Variants in RAP1B observed in about 807,000 individuals in gnomAD.
The protein encoded by RAP1B is ras-related protein Rap-1b.
A neutral mutation model predicts 27.5 loss-of-function variants in RAP1B; 1 was observed. The observed-to-expected ratio is 0.04, with a 90% CI of 0.01 to 0.17. The LOEUF is 0.17. Ranked by LOEUF, RAP1B falls within the 10% of genes least tolerant of loss-of-function variation. RAP1B has a pLI of 1.00. For synonymous variants in RAP1B, 75 were observed against 73.1 expected (o/e 1.03, Z -0.13); for missense variants, 84 against 214.8 (o/e 0.39, Z 3.81).
At chr12:68,622,824 T>C (rs530011193) in intron 1 of RAP1B, among the ~76,000 whole-genome samples, 1 of 152,316 alleles carries the variant, frequency 6.6e-6, no homozygotes, top group Non-Finnish European at 1.5e-5. Flanking sequence ...TAACGGTTTG[T>C]CCATATCAAT....
At chr12:68,648,955 A>G (rs1873617900) in intron 2 of RAP1B, 174 bp downstream of exon 2, 2 of 587,992 alleles carry the variant, frequency 3.4e-6, no homozygotes, top group African/African-American at 1.9e-5. Flanking sequence ...GGTGGATCAT[A>G]TTCTCTCTGG....
chr12:68,653,516 A>G (rs77020361), intron 4 of RAP1B, among the ~76,000 whole-genome samples: 18,821 of 152,194 alleles, frequency 0.12, 1,526 homozygotes, highest in South Asian at 0.36. Context: ...GGGGTGCTTT[A>G]TACATGATGA....
intron 3 of RAP1B, 111 bp downstream of exon 3, chr12:68,650,579 A>G (rs1012629338): frequency 2.0e-6 from 2 of 1,010,466 alleles, no homozygotes; most frequent in Non-Finnish European, 1.3e-6. Context: ...GTTAATTTAT[A>G]AAATTAGTGG....
At chr12:68,628,508 A>G (rs755456543) in intron 1 of RAP1B, among the ~76,000 whole-genome samples, 1 of 152,218 alleles carries the variant, frequency 6.6e-6, no homozygotes, top group Non-Finnish European at 1.5e-5. Context: ...CCAACAGGAA[A>G]CCTTGTCCAA....
chr12:68,648,380 A>C (rs1478182336), intron 1 of RAP1B, among the ~76,000 whole-genome samples: 1 of 152,260 alleles, frequency 6.6e-6, no homozygotes, highest in Non-Finnish European at 1.5e-5. Context: ...TACAGCACAG[A>C]AGAAACCACA....
At chr12:68,625,103 C>T (rs756397667) in intron 1 of RAP1B, among the ~76,000 whole-genome samples, 1 of 152,200 alleles carries the variant, frequency 6.6e-6, no homozygotes, top group African/African-American at 2.4e-5. Flanking sequence ...TGTAGAATTG[C>T]CATGATAGGC....
At chr12:68,628,418 A>G (rs1024014021) in intron 1 of RAP1B, among the ~76,000 whole-genome samples, 5 of 152,166 alleles carry the variant, frequency 3.3e-5, no homozygotes, top group African/African-American at 1.2e-4. Flanking sequence ...TTCATTCTCT[A>G]GTTTTCCACA....
intron 1 of RAP1B, among the ~76,000 whole-genome samples, chr12:68,623,312 A>G (rs1251800172): frequency 6.6e-6 from 1 of 152,176 alleles, no homozygotes; most frequent in Non-Finnish European, 1.5e-5. Flanking sequence ...AGACAGTAAA[A>G]ATAAGGTAGA....
intron 3 of RAP1B, among the ~76,000 whole-genome samples, chr12:68,651,377 T>C (rs1045936227): frequency 1.1e-4 from 17 of 152,054 alleles, no homozygotes; most frequent in Non-Finnish European, 1.6e-4. Flanking sequence ...ATGTGCATAG[T>C]CTACCAAAAA....
intron 1 of RAP1B, chr12:68,647,926 G>A (rs1318571807): frequency 6.6e-6 from 1 of 152,146 alleles, no homozygotes; most frequent in Non-Finnish European, 1.5e-5. Context: ...TTCTTGATCA[G>A]AAGTTTTAAA....
At chr12:68,627,954 A>T (rs903199283) in intron 1 of RAP1B, among the ~76,000 whole-genome samples, 2 of 152,116 alleles carry the variant, frequency 1.3e-5, no homozygotes, top group African/African-American at 4.8e-5. Context: ...TTTAAAAAAA[A>T]AAATTTAATC....
At chr12:68,641,865 AAATTT>A (rs900241514) in intron 1 of RAP1B, among the ~76,000 whole-genome samples, 1 of 152,012 alleles carries the variant, frequency 6.6e-6, no homozygotes, top group African/African-American at 2.4e-5. Context: ...CTTTCTTTAG[AAATTT>A]AATTGATTTT....
chr12:68,619,728 A>G (rs1041804767), intron 1 of RAP1B, among the ~76,000 whole-genome samples: 2 of 152,162 alleles, frequency 1.3e-5, no homozygotes, highest in African/African-American at 4.8e-5. Context: ...TTTTGTTGGA[A>G]ACAGGAATGG....
chr12:68,671,814 T>C lies in RAP1B; in HGVS notation c.*12565T>C, dbSNP rs531286142. 7.2e-5 allele frequency: 11 copies of C among 152,234 alleles called. No individual in the cohort carries two copies. The highest frequency in any genetic ancestry group is 2.6e-4 in the African/African-American group (11 of 41,544). The allele number at this position is 152,234 out of a possible 1,614,324, so 9.4% of individuals were successfully genotyped here. On this transcript the variant is annotated 3_prime_UTR_variant, in exon 8 of 8. Transcript: ENST00000250559. ...CTGGAATATAAAAAAAAAAGCTATA[T>C]GAATGTCATCATTATATGTAAAATA...
chr12:68,617,510 T>C (rs1183739074), intron 1 of RAP1B, among the ~76,000 whole-genome samples: 1 of 152,212 alleles, frequency 6.6e-6, no homozygotes, highest in African/African-American at 2.4e-5. Context: ...ATTTATAAGA[T>C]TGGCTGAGTT....
intron 1 of RAP1B, among the ~76,000 whole-genome samples, chr12:68,634,462 A>T (rs963397099): frequency 6.6e-6 from 1 of 152,174 alleles, no homozygotes; most frequent in South Asian, 2.1e-4. Flanking sequence ...GATGACAGGG[A>T]AAAAAGGACA....
intron 4 of RAP1B, among the ~76,000 whole-genome samples, chr12:68,652,982 G>A (rs975296891): frequency 2.0e-5 from 3 of 152,148 alleles, no homozygotes; most frequent in African/African-American, 7.2e-5. Context: ...GGTCAAAGGG[G>A]GGTGGATCAC....
chr12:68,654,881 A>G (rs1212667259), intron 5 of RAP1B, among the ~76,000 whole-genome samples: 1 of 152,214 alleles, frequency 6.6e-6, no homozygotes, highest in Non-Finnish European at 1.5e-5. Context: ...TTGCATCAGA[A>G]TCACCTGTAG....
intron 1 of RAP1B, among the ~76,000 whole-genome samples, chr12:68,617,938 A>G (rs1287103742): frequency 6.6e-6 from 1 of 151,390 alleles, no homozygotes; most frequent in Non-Finnish European, 1.5e-5. Context: ...TAATTTTTGT[A>G]TTTTTTGTAG....
Sources: gnomAD v4.1 joint callset for allele counts (sites outside exome capture counted in the v4.1 genomes callset) on GRCh38, gnomAD v4.1.1 for gene constraint, MANE v1.5 for transcripts, NCBI Gene and HGNC (gene_info 2026-07-23, HGNC 2026-07-21) for gene names.